The following CEP89 variants were observed in gnomAD, a reference collection of about 807,000 sequenced individuals.
CEP89 encodes the protein centrosomal protein 89, also known as centrosomal protein of 89 kDa.
CEP89 carries 95 observed loss-of-function variants against 97.6 expected under a neutral mutation model. The ratio of observed to expected loss-of-function variants is 0.97; its 90% confidence interval spans 0.82 to 1.15. The LOEUF (loss-of-function observed/expected upper bound fraction) is 1.15, where lower values mean the gene tolerates loss of function less well. Ranked by LOEUF, CEP89 falls within the 50% of genes most tolerant of loss-of-function variation. The pLI is 0.00. For synonymous variants in CEP89, 354 were observed against 349.1 expected (o/e 1.01, Z -0.16); for missense variants, 869 against 947.7 (o/e 0.92, Z 1.09).
At chr19:32,908,416 G>C (rs1392167823) in intron 14 of CEP89, among the ~76,000 whole-genome samples, 1 of 152,230 alleles carries the variant, frequency 6.6e-6, no homozygotes, top group Non-Finnish European at 1.5e-5. Context: ...GTCAAGGGTA[G>C]AGGAATGAGA....
chr19:32,958,472 G>A (rs1457329980), intron 3 of CEP89, among the ~76,000 whole-genome samples: 2 of 87,906 alleles, frequency 2.3e-5, no homozygotes, highest in African/African-American at 1.4e-4. Flanking sequence ...ATCACCAGAG[G>A]TCAGGATTAC....
At chr19:32,882,080 C>A in intron 17 of CEP89, 67 bp from the exon 18 acceptor site, 1 of 1,372,738 alleles carries the variant, frequency 7.3e-7, no homozygotes, top group Non-Finnish European at 1.0e-6. Context: ...TGCCTCCTGG[C>A]TGTGCTCCCT....
intron 2 of CEP89, among the ~76,000 whole-genome samples, chr19:32,961,645 G>C (rs1026417855): frequency 1.3e-5 from 2 of 149,554 alleles, no homozygotes; most frequent in Non-Finnish European, 3.0e-5. Context: ...TTCATATTTT[G>C]GTTTTGGGGC....
chr19:32,920,745 A>G (rs534389486), intron 12 of CEP89, among the ~76,000 whole-genome samples: 2 of 152,094 alleles, frequency 1.3e-5, no homozygotes, highest in East Asian at 3.9e-4. Flanking sequence ...CAGTCTCCCA[A>G]AGTGCTGGGA....
chr19:32,967,329 A>G (rs1219171735), intron 1 of CEP89, among the ~76,000 whole-genome samples: 1 of 152,164 alleles, frequency 6.6e-6, no homozygotes. Context: ...GTCTAGTCCA[A>G]TCATTTTCTT....
At position 32,926,280 on chromosome 19, in the gene CEP89, A is replaced by G. The variant is rs775304862; in HGVS notation, c.1081-7T>C. ...ACAGGTACTTTATATCCAACTGAAG[A>G]TAGAGAGTAAAGGAAGGTTAATATA... On this transcript the variant is annotated splice_polypyrimidine_tract_variant and splice_region_variant and intron_variant, in intron 10 of 18. Transcript: ENST00000305768. 2.5e-6 allele frequency: 4 copies of G among 1,593,586 alleles called. No homozygotes were observed. In the Admixed American group the frequency reaches 6.7e-5, roughly 27 times the overall value.
intron 5 of CEP89, among the ~76,000 whole-genome samples, chr19:32,941,399 C>T (rs548111398): frequency 1.3e-5 from 2 of 151,924 alleles, no homozygotes; most frequent in Admixed American, 6.6e-5. Context: ...GCTACTTGGG[C>T]GGCTGAGGCA....
intron 5 of CEP89, among the ~76,000 whole-genome samples, chr19:32,941,428 G>A (rs1276522409): frequency 1.3e-5 from 2 of 152,068 alleles, no homozygotes; most frequent in African/African-American, 4.8e-5. Flanking sequence ...GCTTGAGTTT[G>A]GGAGGCAGAG....
In CEP89 at chr19:32,886,859, TC is replaced by T. The variant is rs1292775489; in HGVS notation, c.1965+892del. Among the ~76,000 whole-genome samples, 351 of 150,074 alleles carry T rather than the reference TC, an allele frequency of 2.3e-3. 4 individuals carry two copies. The highest frequency in any genetic ancestry group is 8.3e-3 in the African/African-American group (334 of 40,168). On this transcript the variant is annotated intron_variant, in intron 17 of 18. Coordinates refer to ENST00000305768, the MANE Select transcript of CEP89 (RefSeq NM_032816.5). ...GCATAGCCCCTTCCCTTTCAGCCTT[TC>T]TTTTTTTTTTTTTCTTAAAGAGACA... is the stretch of plus-strand genomic sequence containing the variant.
intron 9 of CEP89, chr19:32,931,174 G>A (rs1970465015): frequency 2.3e-6 from 1 of 425,890 alleles, no homozygotes; most frequent in Non-Finnish European, 4.1e-6. Flanking sequence ...ATAGGCACAA[G>A]CCACCTCATC....
intron 4 of CEP89, among the ~76,000 whole-genome samples, chr19:32,948,615 C>A (rs753212541): frequency 6.6e-6 from 1 of 152,228 alleles, no homozygotes; most frequent in Non-Finnish European, 1.5e-5. Flanking sequence ...GCTAAGGCCA[C>A]TGAGAGCTCC....
Position 32,879,237 on chromosome 19 carries a change from G to C in CEP89, c.2277C>G (p.Gly759=), listed in dbSNP as rs113325124. The C allele has an allele frequency of 4.1e-5, 66 of 1,614,084 alleles. No homozygotes were observed. In the South Asian group the frequency reaches 6.9e-4, roughly 17 times the overall value. The change falls in exon 19 of 19, where the codon GGC becomes GGG. Residue 759 remains glycine, a synonymous_variant. Coordinates refer to ENST00000305768, the MANE Select transcript of CEP89 (RefSeq NM_032816.5). ...CGTCCAGCAGGTCTGCCTGAGAGAC[G>C]CCATTGAGGCTGGGGGCAACCAGAG... is the stretch of plus-strand genomic sequence containing the variant. ...PRALVAPSLN[G]VSQADLLDGC...
intron 17 of CEP89, among the ~76,000 whole-genome samples, chr19:32,884,977 C>T (rs562604716): frequency 6.6e-6 from 1 of 152,276 alleles, no homozygotes; most frequent in East Asian, 1.9e-4. Context: ...GGTTCCCTAA[C>T]AAAAGTAACA....
At chr19:32,943,893 C>T (rs1285469870) in intron 5 of CEP89, among the ~76,000 whole-genome samples, 1 of 151,706 alleles carries the variant, frequency 6.6e-6, no homozygotes, top group South Asian at 2.1e-4. Context: ...TGTGGGGGTC[C>T]GTGGACGTGC....
At chr19:32,935,128 G>A (rs548534094) in intron 7 of CEP89, among the ~76,000 whole-genome samples, 2 of 152,280 alleles carry the variant, frequency 1.3e-5, no homozygotes, top group East Asian at 3.9e-4. Flanking sequence ...AGGGCAGAAA[G>A]GCAGGGCAGG....
At chr19:32,893,104 T>C (rs1453654932) in intron 16 of CEP89, among the ~76,000 whole-genome samples, 1 of 143,830 alleles carries the variant, frequency 7.0e-6, no homozygotes, top group African/African-American at 2.5e-5. Flanking sequence ...TGAATGGATA[T>C]CAGAAAAAAA....
At chr19:32,926,574 G>A (rs1599747074) in intron 10 of CEP89, among the ~76,000 whole-genome samples, 2 of 152,086 alleles carry the variant, frequency 1.3e-5, no homozygotes, top group Non-Finnish European at 1.5e-5. Flanking sequence ...AATGAGCTCC[G>A]TTGCCCGAAG....
intron 4 of CEP89, among the ~76,000 whole-genome samples, chr19:32,951,534 T>TATATATATATATACACAC (rs1407110112): frequency 4.1e-5 from 5 of 122,042 alleles, no homozygotes; most frequent in African/African-American, 1.4e-4. Flanking sequence ...TATATATATA[T>TATATATATATATACACAC]ACACACACAC....
chr19:32,920,984 G>C (rs1259157528), intron 12 of CEP89, among the ~76,000 whole-genome samples: 1 of 151,826 alleles, frequency 6.6e-6, no homozygotes. Flanking sequence ...TTGGGAGGCC[G>C]AGGCGGGCAG....
Sources: gnomAD v4.1 joint callset for allele counts (sites outside exome capture counted in the v4.1 genomes callset) on GRCh38, gnomAD v4.1.1 for gene constraint, MANE v1.5 for transcripts, NCBI Gene and HGNC (gene_info 2026-07-23, HGNC 2026-07-21) for gene names.